The following TJP1 variants were observed in gnomAD, a reference collection of about 807,000 sequenced individuals.
TJP1 encodes the protein tight junction protein ZO-1.
A neutral mutation model predicts 194.2 loss-of-function variants in TJP1; 43 were observed. That is an observed-to-expected ratio of 0.22 (90% CI 0.17 to 0.29). TJP1 has a LOEUF of 0.29. Among genes scored for constraint, TJP1 ranks in the 10% least tolerant of loss-of-function variants. The probability of loss-of-function intolerance (pLI) is 1.00; values close to 1 mark genes in which losing one functional copy is unlikely to be tolerated. For missense variants in TJP1, 1,971 were observed against 2,185.7 expected (o/e 0.90, Z 1.96); for synonymous variants, 801 against 779.0 (o/e 1.03, Z -0.47).
intron 2 of TJP1, among the ~76,000 whole-genome samples, chr15:29,941,177 C>T (rs2055062329): frequency 6.6e-6 from 1 of 152,222 alleles, no homozygotes; most frequent in South Asian, 2.1e-4. Flanking sequence ...CAGGCCCACG[C>T]TGCCTTTGCC....
chr15:29,714,537 C>CTTT (rs58378713), intron 23 of TJP1, among the ~76,000 whole-genome samples: 24 of 88,978 alleles, frequency 2.7e-4, no homozygotes, highest in African/African-American at 4.3e-4. Context: ...TGCGCCCAGC[C>CTTT]TTTTTTTTTT....
chr15:29,716,908 A>C, intron 22 of TJP1, 70 bp from the exon 23 acceptor site: 2 of 1,348,462 alleles, frequency 1.5e-6, no homozygotes, highest in Non-Finnish European at 2.1e-6. Context: ...TAGAATATGT[A>C]AGTCTTATCT....
At chr15:29,793,506 C>T (rs2048224676) in intron 2 of TJP1, among the ~76,000 whole-genome samples, 1 of 152,146 alleles carries the variant, frequency 6.6e-6, no homozygotes, top group East Asian at 1.9e-4. Context: ...ATTCTGCAGG[C>T]TGTACAGCAA....
intron 2 of TJP1, among the ~76,000 whole-genome samples, chr15:29,909,610 C>T (rs2053951533): frequency 1.3e-5 from 2 of 152,074 alleles, no homozygotes; most frequent in African/African-American, 4.8e-5. Flanking sequence ...TTTCTTGATG[C>T]CCAAGTCCTG....
chr15:29,782,785 C>T lies in TJP1; in HGVS notation c.85-9428G>A, dbSNP rs560862997. Among the ~76,000 whole-genome samples the T allele has an allele frequency of 4.1e-5, 6 of 147,550 alleles. No individual in the cohort carries two copies. The East Asian group carries it at 1.3e-3, about 31-fold the overall frequency. On this transcript the variant is annotated intron_variant, in intron 2 of 27. Transcript: ENST00000614355. ...CCTACAGAATATGAGAAAACATCTG[C>T]AAACTATGCATCTGACAAAGGTCTA... is the stretch of plus-strand genomic sequence containing the variant.
chr15:29,785,283 AGAACTTG>A (rs1167534842), intron 2 of TJP1, among the ~76,000 whole-genome samples: 8 of 152,208 alleles, frequency 5.3e-5, no homozygotes, highest in Non-Finnish European at 1.5e-5. Context: ...AATTTATGTT[AGAACTTG>A]GAAACAGGGT....
chr15:29,827,207 G>A (rs548451528), upstream of TJP1, among the ~76,000 whole-genome samples: 19 of 152,360 alleles, frequency 1.2e-4, no homozygotes, highest in South Asian at 3.7e-3. Context: ...CAGTCATGGA[G>A]GTTTAAGGAT....
Position 29,726,916 on chromosome 15 carries a change from C to A in TJP1, c.2176G>T (p.Val726Leu). The change falls in exon 17 of 28, where the codon GTA (valine) becomes TTA (leucine). Residue 726 changes from valine to leucine, a missense_variant. Val to Leu is a conservative substitution (Grantham distance 32). This residue lies in a region of TJP1 where 402 missense variants were observed against 484.2 expected (regional missense o/e 0.83). Transcript: ENST00000614355. Reference protein sequence around the residue: ...LNYAQWYPIVVFLNPDSKQGV... With the variant: ...LNYAQWYPIVLFLNPDSKQGV... ...TGCTTAGAATCAGGGTTAAGAAATA[C>A]AACAATTGGATACCACTGGGCATAG... 2 of 1,614,152 alleles carry A rather than the reference C, an allele frequency of 1.2e-6. No homozygotes were observed. Among genetic ancestry groups the A allele is most frequent in the Non-Finnish European group, 1.7e-6 (2 of 1,180,032 alleles).
At chr15:29,852,569 A>G (rs910152587) in intron 2 of TJP1, among the ~76,000 whole-genome samples, 3 of 152,194 alleles carry the variant, frequency 2.0e-5, no homozygotes, top group Non-Finnish European at 2.9e-5. Flanking sequence ...CAAAACACGC[A>G]ATTACCATAC....
At chr15:29,799,288 A>G (rs1275886925) in intron 2 of TJP1, among the ~76,000 whole-genome samples, 1 of 152,204 alleles carries the variant, frequency 6.6e-6, no homozygotes, top group Admixed American at 6.5e-5. Flanking sequence ...CTACCTATCA[A>G]TACATTTCAA....
chr15:29,838,799 A>G (rs2051122917), intron 2 of TJP1, among the ~76,000 whole-genome samples: 1 of 152,084 alleles, frequency 6.6e-6, no homozygotes, highest in Non-Finnish European at 1.5e-5. Flanking sequence ...AACCCCTGGC[A>G]ACTACTAACC....
intron 10 of TJP1, among the ~76,000 whole-genome samples, chr15:29,738,444 A>T (rs2044178433): frequency 6.6e-6 from 1 of 152,186 alleles, no homozygotes; most frequent in South Asian, 2.1e-4. Flanking sequence ...AACTAAAGAG[A>T]TCGCCTTAAC....
chr15:29,947,594 C>G (rs561155375), intron 2 of TJP1, among the ~76,000 whole-genome samples: 3 of 152,232 alleles, frequency 2.0e-5, no homozygotes, highest in African/African-American at 7.2e-5. Context: ...CCTGTGCCAC[C>G]AAAACTCCCC....
chr15:29,716,179 T>C (rs1323568700), intron 23 of TJP1, among the ~76,000 whole-genome samples: 1 of 152,184 alleles, frequency 6.6e-6, no homozygotes, highest in Non-Finnish European at 1.5e-5. Flanking sequence ...TAAAACTGGA[T>C]CAGAAATCTT....
intron 2 of TJP1, among the ~76,000 whole-genome samples, chr15:29,831,767 T>TACATG (rs2050844519): frequency 6.6e-6 from 1 of 152,208 alleles, no homozygotes; most frequent in South Asian, 2.1e-4. Context: ...TTTTAGGAGA[T>TACATG]ACATGTTGAA....
At chr15:29,810,857 T>A (rs2049445261) in intron 1 of TJP1, among the ~76,000 whole-genome samples, 1 of 152,158 alleles carries the variant, frequency 6.6e-6, no homozygotes, top group Non-Finnish European at 1.5e-5. Context: ...TCTCATTCAT[T>A]CAAATAATGT....
intron 2 of TJP1, among the ~76,000 whole-genome samples, chr15:29,898,905 C>T (rs1264436591): frequency 5.3e-5 from 8 of 152,108 alleles, no homozygotes; most frequent in Admixed American, 3.9e-4. Flanking sequence ...TATGGAAATA[C>T]ATAGGTTATA....
chr15:29,733,395 T>G, intron 12 of TJP1, 82 bp from the exon 13 acceptor site: 1 of 939,418 alleles, frequency 1.1e-6, no homozygotes. Context: ...AAAGATGCTA[T>G]GATAATATCA....
intron 2 of TJP1, among the ~76,000 whole-genome samples, chr15:29,784,560 A>G (rs2047577811): frequency 1.3e-5 from 2 of 152,134 alleles, no homozygotes; most frequent in South Asian, 4.1e-4. Flanking sequence ...CCCGGCTTCC[A>G]AAGTGTTGGG....
Sources: allele counts gnomAD v4.1 joint callset (sites outside exome capture counted in the v4.1 genomes callset), GRCh38; gene constraint gnomAD v4.1.1; regional missense constraint gnomAD v4.1.1; transcripts MANE v1.5; gene names NCBI Gene and HGNC (gene_info 2026-07-23, HGNC 2026-07-21).